Variants in PIP5K1A observed in about 807,000 individuals in gnomAD.
PIP5K1A encodes the protein phosphatidylinositol 4-phosphate 5-kinase type-1 alpha.
A neutral mutation model predicts 72.9 loss-of-function variants in PIP5K1A; 46 were observed. The observed-to-expected ratio is 0.63, with a 90% CI of 0.50 to 0.81. The LOEUF is 0.81. PIP5K1A is among the 30% of genes least tolerant of loss of function. The pLI, the probability that PIP5K1A is intolerant of heterozygous loss-of-function variation, is 0.00. For missense variants in PIP5K1A, 458 were observed against 706.1 expected (o/e 0.65, Z 3.98); for synonymous variants, 228 against 255.1 (o/e 0.89, Z 1.01).
At chr1:151,228,798 G>A (rs1288068929) in intron 4 of PIP5K1A, among the ~76,000 whole-genome samples, 1 of 152,086 alleles carries the variant, frequency 6.6e-6, no homozygotes, top group Non-Finnish European at 1.5e-5. Flanking sequence ...AGTAGCAGAG[G>A]TGGACTGACT....
At chr1:151,219,202 GAAACCCTGTCTGTACTAAAA>G (rs1486864292) in intron 1 of PIP5K1A, among the ~76,000 whole-genome samples, 34 of 152,104 alleles carry the variant, frequency 2.2e-4, no homozygotes, top group Middle Eastern at 3.4e-3. Context: ...CCAACATGGC[GAAACCCTGTCTGTACTAAAA>G]ATACAAAAAT....
chr1:151,209,437 ATTT>A (rs34643257), intron 1 of PIP5K1A, among the ~76,000 whole-genome samples: 4 of 118,168 alleles, frequency 3.4e-5, no homozygotes, highest in African/African-American at 3.2e-5. Flanking sequence ...TGCCTGGCTA[ATTT>A]TTTTTTTTTT....
In PIP5K1A at chr1:151,206,669, G is replaced by A. The variant is rs370298937; in HGVS notation, c.85+7588G>A. Among the ~76,000 whole-genome samples the A allele has an allele frequency of 2.4e-4, 36 of 152,240 alleles. 1 individual carries two copies. The highest frequency in any genetic ancestry group is 7.9e-4 in the African/African-American group (33 of 41,554). On this transcript the variant is annotated intron_variant, in intron 1 of 15. Coordinates refer to ENST00000368888, the MANE Select transcript of PIP5K1A (RefSeq NM_001135638.2). Reference sequence around the variant, plus strand: ...CAACCTCCACCTCCCGGGTTGAAGCGATTCACCAGCCTCAGCCTCCCAAGA... The same window carrying A: ...CAACCTCCACCTCCCGGGTTGAAGCAATTCACCAGCCTCAGCCTCCCAAGA...
rs754581117 is a variant in PIP5K1A at position 151,236,785 on chromosome 1, A to AG, written c.1145+28dup. 2.4e-6 allele frequency: 3 copies of AG among 1,270,422 alleles called. No homozygotes were observed. In the East Asian group the frequency reaches 7.5e-5, roughly 32 times the overall value. The allele number at this position is 1,270,422 out of a possible 1,614,324, so 78.7% of individuals were successfully genotyped here. ...ACCAGTAAGTGGGCTCAGGGCCACTAGGGGGGAGAACATAGGCCCACAGCA... is the reference window on the plus strand; with the variant it reads ...ACCAGTAAGTGGGCTCAGGGCCACTAGGGGGGGAGAACATAGGCCCACAGCA... On this transcript the variant is annotated intron_variant, in intron 9 of 15. Coordinates refer to ENST00000368888, the MANE Select transcript of PIP5K1A (RefSeq NM_001135638.2).
intron 1 of PIP5K1A, among the ~76,000 whole-genome samples, chr1:151,223,247 A>T (rs1018695394): frequency 2.0e-5 from 3 of 150,562 alleles, no homozygotes; most frequent in Non-Finnish European, 4.4e-5. Flanking sequence ...GCTACTCGGG[A>T]GGTTGAGGCA....
chr1:151,216,055 C>T (rs1433497542), intron 1 of PIP5K1A: 2 of 907,620 alleles, frequency 2.2e-6, no homozygotes, highest in African/African-American at 3.4e-5. Context: ...CAGTAACTAG[C>T]AGCCAATTCC....
intron 4 of PIP5K1A, among the ~76,000 whole-genome samples, chr1:151,229,920 A>C (rs1449789656): frequency 7.1e-6 from 1 of 140,242 alleles, no homozygotes; most frequent in Non-Finnish European, 1.5e-5. Flanking sequence ...CATCTCTACT[A>C]AAAAAAAAAT....
chr1:151,239,125 T>C lies in PIP5K1A; in HGVS notation c.1230-5T>C. ...GTGAGTAGGTGATGTACATTTTTCT[T>C]GCAGGTTTGTTAAGAAGTTGGAGCA... On this transcript the variant is annotated splice_polypyrimidine_tract_variant and splice_region_variant and intron_variant, in intron 10 of 15. Transcript: ENST00000368888. 7 of 1,607,858 alleles carry C rather than the reference T, an allele frequency of 4.4e-6. No individual in the cohort carries two copies. The highest frequency in any genetic ancestry group is 6.0e-6 in the Non-Finnish European group (7 of 1,174,540).
intron 1 of PIP5K1A, chr1:151,213,651 C>G (rs1039656329): frequency 1.3e-5 from 2 of 152,152 alleles, no homozygotes; most frequent in Non-Finnish European, 2.9e-5. Context: ...TCATCAGCAG[C>G]ATTTCTGGCA....
chr1:151,240,239 C>A (rs1309311125), intron 12 of PIP5K1A, 200 bp downstream of exon 12: 2 of 559,414 alleles, frequency 3.6e-6, no homozygotes, highest in Non-Finnish European at 6.3e-6. Context: ...CCCCTTGGCT[C>A]TTCCTGCATA....
intron 1 of PIP5K1A, among the ~76,000 whole-genome samples, chr1:151,210,570 T>C (rs1159890604): frequency 6.6e-6 from 1 of 152,090 alleles, no homozygotes; most frequent in Non-Finnish European, 1.5e-5. Flanking sequence ...TTGTGCTCTA[T>C]GTAGGAACTA....
chr1:151,222,315 A>G (rs1169971752), intron 1 of PIP5K1A, among the ~76,000 whole-genome samples: 2 of 152,176 alleles, frequency 1.3e-5, no homozygotes, highest in African/African-American at 2.4e-5. Flanking sequence ...TCTTGGAATT[A>G]GTCCCAGTTT....
chr1:151,204,683 TA>T (rs1385473451), intron 1 of PIP5K1A, among the ~76,000 whole-genome samples: 1 of 152,212 alleles, frequency 6.6e-6, no homozygotes, highest in African/African-American at 2.4e-5. Context: ...AATAGGGAGA[TA>T]TTTTTCTGTT....
intron 5 of PIP5K1A, 21 bp downstream of exon 5, chr1:151,231,822 G>T: frequency 6.2e-7 from 1 of 1,612,964 alleles, no homozygotes; most frequent in South Asian, 1.1e-5. Flanking sequence ...TAATGTTCAG[G>T]AGCATGTCCT....
intron 14 of PIP5K1A, among the ~76,000 whole-genome samples, chr1:151,244,951 T>G (rs981230533): frequency 1.3e-5 from 2 of 151,848 alleles, no homozygotes; most frequent in African/African-American, 2.4e-5. Flanking sequence ...TTTTTTTTTT[T>G]TTGGTAGAGA....
intron 4 of PIP5K1A, among the ~76,000 whole-genome samples, chr1:151,229,427 T>G (rs1001521732): frequency 8.6e-5 from 13 of 150,368 alleles, no homozygotes; most frequent in African/African-American, 3.2e-4. Context: ...AATGGCGTGA[T>G]CTCCACTCAC....
At chr1:151,210,171 A>T (rs112591703) in intron 1 of PIP5K1A, among the ~76,000 whole-genome samples, 2 of 151,654 alleles carry the variant, frequency 1.3e-5, no homozygotes, top group African/African-American at 2.4e-5. Flanking sequence ...GGTGTGAGCC[A>T]CTGCGCCCGC....
intron 1 of PIP5K1A, among the ~76,000 whole-genome samples, chr1:151,221,852 A>C (rs934782117): frequency 3.3e-5 from 5 of 152,174 alleles, no homozygotes; most frequent in African/African-American, 1.2e-4. Flanking sequence ...TGGGAGGATC[A>C]CTTGAATCCA....
At chr1:151,238,998 C>T (rs1342237440) in intron 10 of PIP5K1A, 132 bp from the exon 11 acceptor site, 5 of 641,578 alleles carry the variant, frequency 7.8e-6, no homozygotes, top group Non-Finnish European at 1.4e-5. Flanking sequence ...AACCAGTGTA[C>T]CAGTAGATGT....
Sources: gnomAD v4.1 joint callset for allele counts (sites outside exome capture counted in the v4.1 genomes callset) on GRCh38, gnomAD v4.1.1 for gene constraint, MANE v1.5 for transcripts, NCBI Gene and HGNC (gene_info 2026-07-23, HGNC 2026-07-21) for gene names.